Variants in TIGAR observed in about 807,000 individuals in gnomAD.
TIGAR encodes the protein fructose-2,6-bisphosphatase TIGAR.
In TIGAR, 7 loss-of-function variants were observed where a neutral mutation model predicts 17.9. The ratio of observed to expected loss-of-function variants is 0.39; its 90% CI spans 0.22 to 0.73. The LOEUF (loss-of-function observed/expected upper bound fraction) is 0.73, where lower values mean the gene tolerates loss of function less well. Ranked by LOEUF, TIGAR falls within the 30% of genes least tolerant of loss-of-function variation. The pLI, the probability that TIGAR is intolerant of heterozygous loss-of-function variation, is 0.42. For synonymous variants in TIGAR, 94 were observed against 108.6 expected (o/e 0.87, Z 0.84); for missense variants, 258 against 327.4 (o/e 0.79, Z 1.64).
At chr12:4,330,562 C>A (rs973039853) in intron 1 of TIGAR, among the ~76,000 whole-genome samples, 8 of 152,210 alleles carry the variant, frequency 5.3e-5, no homozygotes, top group African/African-American at 1.9e-4. Context: ...GTTAACCTAT[C>A]CTGCTGTCTG....
intron 1 of TIGAR, among the ~76,000 whole-genome samples, chr12:4,329,667 A>G (rs1864584492): frequency 6.6e-6 from 1 of 152,158 alleles, no homozygotes; most frequent in Non-Finnish European, 1.5e-5. Context: ...GAGTGAATTC[A>G]GTTATTCCCA....
rs1014061893 is a variant in TIGAR, at chr12:4,331,031, T to C, written c.33-249T>C. Among the ~76,000 whole-genome samples, 9 of 131,274 alleles carry C rather than the reference T, an allele frequency of 6.9e-5. 1 individual carries two copies. Among genetic ancestry groups the C allele is most frequent in the Admixed American group, 6.8e-4 (9 of 13,266 alleles). The allele number at this position is 131,274 out of a possible 152,430, so 86.1% of individuals were successfully genotyped here. ...TTTAGTAGGATTTTCCACCTGCAAT[T>C]CACTTAAGATTGGTTCCTGATCTAC... On this transcript the variant is annotated intron_variant, in intron 1 of 5. Transcript: ENST00000179259.
intron 3 of TIGAR, among the ~76,000 whole-genome samples, chr12:4,337,391 C>T (rs1334023764): frequency 6.6e-6 from 1 of 152,144 alleles, no homozygotes; most frequent in Non-Finnish European, 1.5e-5. Flanking sequence ...AACCCCTAAC[C>T]TCAGGTGATC....
chr12:4,349,141 T>A lies in TIGAR; in HGVS notation c.193-678T>A, dbSNP rs201481130. On this transcript the variant is annotated intron_variant, in intron 3 of 5. Coordinates refer to ENST00000179259, the MANE Select transcript of TIGAR (RefSeq NM_020375.3). ...TTTTCTGTAAAGAGCCAGATAGTAA[T>A]TTTTTTTTAGGGTTTATAGTCTATA... Among the ~76,000 whole-genome samples the A allele has an allele frequency of 3.5e-4, 37 of 105,460 alleles. No individual in the cohort carries two copies. The Middle Eastern group carries it at 0.013, about 36-fold the overall frequency. The allele number at this position is 105,460 out of a possible 152,430, so 69.2% of individuals were successfully genotyped here.
chr12:4,341,549 G>A (rs529530063), intron 3 of TIGAR, among the ~76,000 whole-genome samples: 9 of 152,334 alleles, frequency 5.9e-5, no homozygotes, highest in African/African-American at 2.2e-4. Context: ...AACTTCCAGA[G>A]GAGCGATCAG....
At position 4,354,633 on chromosome 12, in the gene TIGAR, T is replaced by TC. The variant is rs1457909403; in HGVS notation, c.*1943dup. 6.6e-6 allele frequency: 1 copy of TC among 152,108 alleles called. No individual in the cohort carries two copies. Among genetic ancestry groups the TC allele is most frequent in the African/African-American group, 2.4e-5 (1 of 41,388 alleles). 9.4% of individuals were successfully genotyped at this position (152,108 alleles called of 1,614,324 possible). A position where few individuals can be genotyped will look rare whatever the true frequency, so the allele number is the denominator to read the frequency against. Reference sequence around the variant, plus strand: ...GCATCTCTGTGTTGATATATATAGATCTAGTTAATTATAACCACTCTATTC... The same window carrying TC: ...GCATCTCTGTGTTGATATATATAGATCCTAGTTAATTATAACCACTCTATTC... On this transcript the variant is annotated 3_prime_UTR_variant, in exon 6 of 6. Transcript: ENST00000179259.
At chr12:4,349,959 C>T (rs1316384741) in intron 4 of TIGAR, 63 bp downstream of exon 4, 13 of 1,188,870 alleles carry the variant, frequency 1.1e-5, no homozygotes, top group East Asian at 2.7e-5. Flanking sequence ...CTCAGTTTGT[C>T]ACTTGGCTAA....
Position 4,357,892 on chromosome 12 carries a change from A to G in TIGAR, c.*5201A>G, listed in dbSNP as rs1183512625. Among the ~76,000 whole-genome samples, 5 of 150,520 alleles carry G rather than the reference A, an allele frequency of 3.3e-5. No individual in the cohort carries two copies. The highest frequency in any genetic ancestry group is 7.4e-5 in the Non-Finnish European group (5 of 67,670). On this transcript the variant is annotated 3_prime_UTR_variant, in exon 6 of 6. Coordinates refer to ENST00000179259, the MANE Select transcript of TIGAR (RefSeq NM_020375.3). ...GCCAAGGCGGGCAGATCACGAGGTC[A>G]GGAGATAGAGACCATCCTGGCTAAC...
In TIGAR at chr12:4,324,323, C is replaced by CTTTTTTTTT. The variant is rs34096957; in HGVS notation, c.32+3029_32+3037dup. ...CCGGCAAAACCATCCATTTAACTTC[C>CTTTTTTTTT]TTTTTTTTTTTTTTTTTGGAAATAT... On this transcript the variant is annotated intron_variant, in intron 1 of 5. Coordinates refer to ENST00000179259, the MANE Select transcript of TIGAR (RefSeq NM_020375.3). 3.3e-5 allele frequency: 21 copies of CTTTTTTTTT among 628,028 alleles called. No individual in the cohort carries two copies. The African/African-American group carries it at 4.0e-4, about 12-fold the overall frequency. 38.9% of individuals were successfully genotyped at this position (628,028 alleles called of 1,614,324 possible). A position where few individuals can be genotyped will look rare whatever the true frequency, so the allele number is the denominator to read the frequency against.
chr12:4,339,110 A>G (rs1403891332), intron 3 of TIGAR, among the ~76,000 whole-genome samples: 3 of 152,168 alleles, frequency 2.0e-5, no homozygotes, highest in African/African-American at 7.2e-5. Context: ...CCAAAAGATC[A>G]GTGAAATGAT....
intron 1 of TIGAR, among the ~76,000 whole-genome samples, chr12:4,328,332 C>G (rs1457494549): frequency 6.6e-6 from 1 of 151,686 alleles, no homozygotes; most frequent in Non-Finnish European, 1.5e-5. Context: ...GCTGGGATTA[C>G]AGGTGCCTGC....
chr12:4,342,991 C>T (rs762875323), intron 3 of TIGAR, among the ~76,000 whole-genome samples: 3 of 152,168 alleles, frequency 2.0e-5, no homozygotes, highest in East Asian at 1.9e-4. Context: ...TCAGGAAATC[C>T]GTCTCACATG....
intron 2 of TIGAR, among the ~76,000 whole-genome samples, chr12:4,333,492 C>T (rs907636513): frequency 5.9e-5 from 9 of 151,736 alleles, no homozygotes; most frequent in East Asian, 5.8e-4. Flanking sequence ...TATTTTGAGA[C>T]GGAGTCTCAC....
intron 2 of TIGAR, 133 bp downstream of exon 2, chr12:4,331,450 T>A: frequency 1.2e-6 from 1 of 817,654 alleles, no homozygotes. Flanking sequence ...AATCAAAGCA[T>A]CATAACCACA....
chr12:4,359,255 A>G lies in TIGAR; in HGVS notation c.*6564A>G, dbSNP rs748602451. On this transcript the variant is annotated 3_prime_UTR_variant, in exon 6 of 6. Coordinates refer to ENST00000179259, the MANE Select transcript of TIGAR (RefSeq NM_020375.3). The stretch of plus-strand genomic sequence containing the variant: ...AGAAGTTCTTATTCAGGGGCTTATA[A>G]TACAGTACTCTTATTATTTTATGGT... Among the ~76,000 whole-genome samples the G allele has an allele frequency of 2.0e-5, 3 of 152,148 alleles. No homozygotes were observed. The highest frequency in any genetic ancestry group is 7.2e-5 in the African/African-American group (3 of 41,444).
chr12:4,328,004 C>T (rs549105353), intron 1 of TIGAR, among the ~76,000 whole-genome samples: 2 of 152,066 alleles, frequency 1.3e-5, no homozygotes, highest in African/African-American at 4.8e-5. Context: ...ATATTTTATT[C>T]TTGGTCTCAG....
rs1386894834 is a variant in TIGAR, at chr12:4,355,134, A to G, written c.*2443A>G. On this transcript the variant is annotated 3_prime_UTR_variant, in exon 6 of 6. Transcript: ENST00000179259. The stretch of plus-strand genomic sequence containing the variant: ...TGTGTATCTTTAAGAAGACTTCTCT[A>G]CCATGAGGTCATACAGTAATGTCTT... Among the ~76,000 whole-genome samples the G allele has an allele frequency of 6.6e-6, 1 of 152,048 alleles. No homozygotes were observed. The highest frequency in any genetic ancestry group is 1.5e-5 in the Non-Finnish European group (1 of 68,008).
At chr12:4,338,800 A>C (rs1250227364) in intron 3 of TIGAR, among the ~76,000 whole-genome samples, 1 of 152,050 alleles carries the variant, frequency 6.6e-6, no homozygotes, top group Non-Finnish European at 1.5e-5. Context: ...CAATACGGTG[A>C]AACACCGTCT....
chr12:4,334,172 G>A (rs991915139), intron 2 of TIGAR, among the ~76,000 whole-genome samples: 1 of 152,118 alleles, frequency 6.6e-6, no homozygotes, highest in Non-Finnish European at 1.5e-5. Context: ...CAAGGCTGCT[G>A]TAACAGAGTA....
Sources: gnomAD v4.1 joint callset for allele counts (sites outside exome capture counted in the v4.1 genomes callset) on GRCh38, gnomAD v4.1.1 for gene constraint, MANE v1.5 for transcripts, NCBI Gene and HGNC (gene_info 2026-07-23, HGNC 2026-07-21) for gene names.